LSMEM1: variants seen among roughly 807,000 people sequenced by gnomAD.
The protein encoded by LSMEM1 is leucine-rich single-pass membrane protein 1.
In LSMEM1, 10 loss-of-function variants were observed where a neutral mutation model predicts 11.3. The observed-to-expected ratio is 0.89, with a 90% CI of 0.55 to 1.50. The LOEUF (loss-of-function observed/expected upper bound fraction) is 1.50. Among genes scored for constraint, LSMEM1 ranks in the 40% most tolerant of loss-of-function variants. The probability of loss-of-function intolerance (pLI) is 0.00; values close to 1 mark genes in which losing one functional copy is unlikely to be tolerated. For synonymous variants in LSMEM1, 65 were observed against 59.3 expected, an observed-to-expected ratio of 1.10 and a Z score of -0.44; for missense variants, 151 against 152.9, an observed-to-expected ratio of 0.99 and a Z score of 0.06.
chr7:112,480,352 A>C (rs958971390), upstream of LSMEM1, among the ~76,000 whole-genome samples: 3 of 152,226 alleles, frequency 2.0e-5, no homozygotes, highest in Admixed American at 1.3e-4. Flanking sequence ...CCTGGGCAAC[A>C]CAGCAAGACT....
chr7:112,485,023 G>A, intron 2 of LSMEM1, 80 bp downstream of exon 2: 2 of 1,457,234 alleles, frequency 1.4e-6, no homozygotes, highest in Non-Finnish European at 1.8e-6. Context: ...CTGGATGTGT[G>A]GGTGTGGTGG....
chr7:112,487,012 G>A lies in LSMEM1; in HGVS notation c.217G>A (p.Val73Ile). ...TGTGGGGCTGCTAATTGTGCTGATT[G>A]TCAGCCTGGCACTGGTTTTTTTCGT... ...FFVGLLIVLI[V>I]SLALVFFVIF... Residue 73 changes from valine (V) to isoleucine (I), a missense_variant, in exon 3 of 4, where the codon GTC (valine) becomes ATC (isoleucine). By Grantham distance (29) the Val-to-Ile change is conservative. Transcript: ENST00000312849. 6.2e-7 allele frequency: 1 copy of A among 1,614,144 alleles called. No homozygotes were observed.
In LSMEM1 at chr7:112,484,815, C is replaced by T. The variant is rs1200034140; in HGVS notation, c.-2C>T. 1.9e-6 allele frequency: 3 copies of T among 1,613,012 alleles called. No individual in the cohort carries two copies. The highest frequency in any genetic ancestry group is 1.7e-5 in the Admixed American group (1 of 59,932). On this transcript the variant is annotated 5_prime_UTR_variant, in exon 2 of 4. Coordinates refer to ENST00000312849, the MANE Select transcript of LSMEM1 (RefSeq NM_182597.3). Reference sequence around the variant, plus strand: ...TAACATCAGTGTTTTCTTCCAGGGACAATGACTCATTCTTCCCAGGACACT... The same window carrying T: ...TAACATCAGTGTTTTCTTCCAGGGATAATGACTCATTCTTCCCAGGACACT...
Position 112,490,158 on chromosome 7 carries a change from G to A in LSMEM1, c.*209G>A, listed in dbSNP as rs1049058517. On this transcript the variant is annotated 3_prime_UTR_variant, in exon 4 of 4. Coordinates refer to ENST00000312849, the MANE Select transcript of LSMEM1 (RefSeq NM_182597.3). ...ATAGCAACTAAAAAGGGGTGAACTTGTCTCAGCCCCCTTTTATGGTAGGGC... is the reference window on the plus strand; with the variant it reads ...ATAGCAACTAAAAAGGGGTGAACTTATCTCAGCCCCCTTTTATGGTAGGGC... 7 of 474,612 alleles carry A rather than the reference G, an allele frequency of 1.5e-5. No individual in the cohort carries two copies. Among genetic ancestry groups the A allele is most frequent in the African/African-American group, 1.2e-4 (6 of 50,766 alleles). 29.4% of individuals were successfully genotyped at this position (474,612 alleles called of 1,614,324 possible).
chr7:112,485,154 T>G (rs1796104815), intron 2 of LSMEM1, among the ~76,000 whole-genome samples: 3 of 152,132 alleles, frequency 2.0e-5, no homozygotes, highest in African/African-American at 7.2e-5. Flanking sequence ...TACACGAGAT[T>G]TGAACTCTTG....
In LSMEM1 at chr7:112,490,007, T is replaced by C; in HGVS notation, c.*58T>C. 2 of 1,563,302 alleles carry C rather than the reference T, an allele frequency of 1.3e-6. No individual in the cohort carries two copies. The highest frequency in any genetic ancestry group is 1.2e-5 in the South Asian group (1 of 82,750). ...CTTGAGCTTTTTACTTTCCTGGGAG[T>C]GTACAGGGTTAGGAACTGAGAAAGT... On this transcript the variant is annotated 3_prime_UTR_variant, in exon 4 of 4. Coordinates refer to ENST00000312849, the MANE Select transcript of LSMEM1 (RefSeq NM_182597.3).
chr7:112,481,665 A>C (rs914445897), intron 1 of LSMEM1, among the ~76,000 whole-genome samples: 3 of 152,248 alleles, frequency 2.0e-5, no homozygotes, highest in Admixed American at 1.3e-4. Flanking sequence ...TAAAAAATAA[A>C]GCACCAGGCA....
intron 1 of LSMEM1, among the ~76,000 whole-genome samples, chr7:112,483,238 A>T (rs931212197): frequency 6.6e-6 from 1 of 152,066 alleles, no homozygotes; most frequent in African/African-American, 2.4e-5. Flanking sequence ...GAAAGTAAAC[A>T]GTGTGTTGTC....
chr7:112,490,570 A>C lies in LSMEM1; in HGVS notation c.*621A>C, dbSNP rs1052217424. ...CAAAAGGGAAAGCCTAATTAATTCA[A>C]CTAATGTTTATTAAGCTCCTACTCT... On this transcript the variant is annotated 3_prime_UTR_variant, in exon 4 of 4. Transcript: ENST00000312849. 1 of 152,336 alleles carries C rather than the reference A, an allele frequency of 6.6e-6. No homozygotes were observed. The highest frequency in any genetic ancestry group is 2.4e-5 in the African/African-American group (1 of 41,438). The allele number at this position is 152,336 out of a possible 1,614,324, so 9.4% of individuals were successfully genotyped here. A position where few individuals can be genotyped will look rare whatever the true frequency, so the allele number is the denominator to read the frequency against.
Position 112,490,601 on chromosome 7 carries a change from A to G in LSMEM1, c.*652A>G, listed in dbSNP as rs544174575. Reference sequence around the variant, plus strand: ...GTTTATTAAGCTCCTACTCTGTGCAAATCACTCTACTCAAGAGGAGCTCAC... The same window carrying G: ...GTTTATTAAGCTCCTACTCTGTGCAGATCACTCTACTCAAGAGGAGCTCAC... On this transcript the variant is annotated 3_prime_UTR_variant, in exon 4 of 4. Coordinates refer to ENST00000312849, the MANE Select transcript of LSMEM1 (RefSeq NM_182597.3). 1 of 152,374 alleles carries G rather than the reference A, an allele frequency of 6.6e-6. No individual in the cohort carries two copies. Among genetic ancestry groups the G allele is most frequent in the South Asian group, 2.1e-4 (1 of 4,832 alleles). 9.4% of individuals were successfully genotyped at this position (152,374 alleles called of 1,614,324 possible).
chr7:112,485,768 G>A (rs1034129226), intron 2 of LSMEM1, among the ~76,000 whole-genome samples: 1 of 151,898 alleles, frequency 6.6e-6, no homozygotes, highest in African/African-American at 2.4e-5. Context: ...TATGGCATAG[G>A]ATGTACTTAT....
rs1344590655 is a variant in LSMEM1 at position 112,489,791 on chromosome 7, T to A, written c.257-19T>A. 3.7e-5 allele frequency: 60 copies of A among 1,606,186 alleles called. No homozygotes were observed. The Admixed American group carries it at 9.9e-4, about 26-fold the overall frequency. On this transcript the variant is annotated intron_variant, in intron 3 of 3. Coordinates refer to ENST00000312849, the MANE Select transcript of LSMEM1 (RefSeq NM_182597.3). ...CACAGTGGAAACCAATGTAACACAG[T>A]CTGTTTTCTGTTTTGAAGTTCAAAC...
chr7:112,487,936 G>T (rs186115304), intron 3 of LSMEM1, among the ~76,000 whole-genome samples: 15 of 152,318 alleles, frequency 9.8e-5, no homozygotes, highest in African/African-American at 3.4e-4. Context: ...TGAGTGCTTT[G>T]TAGCCTTTGG....
chr7:112,483,300 A>T (rs1359035031), intron 1 of LSMEM1: 6 of 152,200 alleles, frequency 3.9e-5, no homozygotes, highest in African/African-American at 1.4e-4. Context: ...GAGTCCAGAT[A>T]GACATCACAT....
At chr7:112,484,053 A>G (rs1796083329) in intron 1 of LSMEM1, among the ~76,000 whole-genome samples, 1 of 152,208 alleles carries the variant, frequency 6.6e-6, no homozygotes, top group African/African-American at 2.4e-5. Flanking sequence ...AGAGAATATT[A>G]CTTTCAATAT....
intron 1 of LSMEM1, among the ~76,000 whole-genome samples, chr7:112,482,894 C>T (rs1230100632): frequency 6.6e-6 from 1 of 151,938 alleles, no homozygotes; most frequent in African/African-American, 2.4e-5. Context: ...ATTGTTTGTT[C>T]TTGTTAATTA....
intron 3 of LSMEM1, 47 bp from the exon 4 acceptor site, chr7:112,489,763 G>A: frequency 6.4e-7 from 1 of 1,574,448 alleles, no homozygotes. Flanking sequence ...AATTTCAGTG[G>A]AACACAGTGG....
chr7:112,488,507 C>A (rs1288974570), intron 3 of LSMEM1, among the ~76,000 whole-genome samples: 1 of 152,132 alleles, frequency 6.6e-6, no homozygotes, highest in East Asian at 1.9e-4. Flanking sequence ...TATATTGAGT[C>A]ATTACTCTGT....
At chr7:112,485,189 G>A (rs1455132441) in intron 2 of LSMEM1, among the ~76,000 whole-genome samples, 1 of 152,198 alleles carries the variant, frequency 6.6e-6, no homozygotes, top group Non-Finnish European at 1.5e-5. Flanking sequence ...GAGATCCTGT[G>A]GCGTTTCTGT....
Sources: gnomAD v4.1 joint callset for allele counts (sites outside exome capture counted in the v4.1 genomes callset) on GRCh38, gnomAD v4.1.1 for gene constraint, MANE v1.5 for transcripts, NCBI Gene and HGNC (gene_info 2026-07-23, HGNC 2026-07-21) for gene names.